The following CDCA8 variants were observed in gnomAD, a reference collection of about 807,000 sequenced individuals.
CDCA8 encodes the protein cell division cycle associated 8.
In CDCA8, 25 loss-of-function variants were observed where a neutral mutation model predicts 40.0. That is an observed-to-expected ratio of 0.63 (90% CI 0.46 to 0.87). The LOEUF is 0.87. Among genes scored for constraint, CDCA8 ranks in the 40% least tolerant of loss-of-function variants. The pLI is 0.00. For synonymous variants in CDCA8, 111 were observed against 126.5 expected (o/e 0.88, Z 0.82); for missense variants, 280 against 348.4 (o/e 0.80, Z 1.56).
At chr1:37,698,883 T>C in intron 3 of CDCA8, 22 bp from the exon 4 acceptor site, 1 of 1,587,710 alleles carries the variant, frequency 6.3e-7, no homozygotes, top group Non-Finnish European at 8.6e-7. Flanking sequence ...AGCCTGGTGC[T>C]TTCTGGCTAT....
At chr1:37,694,915 T>C (rs1645515875) in intron 2 of CDCA8, among the ~76,000 whole-genome samples, 1 of 152,254 alleles carries the variant, frequency 6.6e-6, no homozygotes, top group Admixed American at 6.5e-5. Flanking sequence ...ATCTATTGAC[T>C]GCTAGATTTT....
chr1:37,704,636 C>CTT lies in CDCA8; in HGVS notation c.585-777_585-776dup, dbSNP rs145718694. Among the ~76,000 whole-genome samples, 121 of 86,484 alleles carry CTT rather than the reference C, an allele frequency of 1.4e-3. 12 individuals carry two copies. The highest frequency in any genetic ancestry group is 3.1e-3 in the East Asian group (7 of 2,228). 56.7% of individuals were successfully genotyped at this position (86,484 alleles called of 152,430 possible). ...ATTTATTTTCTACTTTTAATTGCCA[C>CTT]TTTTTTTTTTTTTTTTTTTTTTTTT... is the stretch of plus-strand genomic sequence containing the variant. On this transcript the variant is annotated intron_variant, in intron 7 of 9. Transcript: ENST00000373055.
At chr1:37,703,596 A>G (rs1478273662) in intron 7 of CDCA8, among the ~76,000 whole-genome samples, 1 of 152,078 alleles carries the variant, frequency 6.6e-6, no homozygotes, top group Non-Finnish European at 1.5e-5. Context: ...CACGCCTGTA[A>G]TCCCAGCTAC....
Position 37,695,967 on chromosome 1 carries a change from A to G in CDCA8, c.264+17A>G, listed in dbSNP as rs1645523973. 2 of 1,612,964 alleles carry G rather than the reference A, an allele frequency of 1.2e-6. No individual in the cohort carries two copies. Among genetic ancestry groups the G allele is most frequent in the Non-Finnish European group, 1.7e-6 (2 of 1,179,000 alleles). On this transcript the variant is annotated intron_variant, in intron 3 of 9. Coordinates refer to ENST00000373055, the MANE Select transcript of CDCA8 (RefSeq NM_001256875.2). ...GCGGCAACAGTAAGTGACCTTTCCT[A>G]TTTTCCAGCCAGTGGTTACTTAAGT...
rs909458865 is a variant in CDCA8, at chr1:37,692,594, C to T, written c.-97C>T. 2 of 955,784 alleles carry T rather than the reference C, an allele frequency of 2.1e-6. No homozygotes were observed. The highest frequency in any genetic ancestry group is 3.2e-5 in the African/African-American group (2 of 61,608). 59.2% of individuals were successfully genotyped at this position (955,784 alleles called of 1,614,324 possible). On this transcript the variant is annotated 5_prime_UTR_variant, in exon 1 of 10. Coordinates refer to ENST00000373055, the MANE Select transcript of CDCA8 (RefSeq NM_001256875.2). ...GGGACCGCAGGTACGTGCCTGGCGA[C>T]TTCTTCGGGTGGTCCCCGTCCGCCC...
At position 37,709,436 on chromosome 1, in the gene CDCA8, A is replaced by G. The variant is rs1645624615; in HGVS notation, c.*1070A>G. The G allele has an allele frequency of 6.6e-6, 1 of 152,032 alleles. No homozygotes were observed. 9.4% of individuals were successfully genotyped at this position (152,032 alleles called of 1,614,324 possible). On this transcript the variant is annotated 3_prime_UTR_variant, in exon 10 of 10. Coordinates refer to ENST00000373055, the MANE Select transcript of CDCA8 (RefSeq NM_001256875.2). ...GCCAGCCTCTCTGCCCTGGAGAATCATGTGCTATGTTCTAAGAATTTGAGA... is the reference window on the plus strand; with the variant it reads ...GCCAGCCTCTCTGCCCTGGAGAATCGTGTGCTATGTTCTAAGAATTTGAGA...
intron 7 of CDCA8, among the ~76,000 whole-genome samples, chr1:37,703,738 C>G (rs1178731541): frequency 6.6e-6 from 1 of 151,960 alleles, no homozygotes; most frequent in Non-Finnish European, 1.5e-5. Context: ...GAAAATAGTC[C>G]CGAGTCCTTG....
At position 37,704,897 on chromosome 1, in the gene CDCA8, C is replaced by CA. The variant is rs397841369; in HGVS notation, c.585-544_585-543insA. 5.6e-4 allele frequency among the ~76,000 whole-genome samples: 85 copies of CA among 152,244 alleles called. 1 individual carries two copies. Among genetic ancestry groups the CA allele is most frequent in the Non-Finnish European group, 4.4e-5 (3 of 68,016 alleles). On this transcript the variant is annotated intron_variant, in intron 7 of 9. Transcript: ENST00000373055. Reference sequence around the variant, plus strand: ...TCCTGACCTCAGGTGATCCACCCCCCTCGGCCTCCCAAAGTGCTGGGATTA... The same window carrying CA: ...TCCTGACCTCAGGTGATCCACCCCCCATCGGCCTCCCAAAGTGCTGGGATTA...
At chr1:37,703,588 C>T (rs913721205) in intron 7 of CDCA8, among the ~76,000 whole-genome samples, 2 of 151,978 alleles carry the variant, frequency 1.3e-5, no homozygotes, top group African/African-American at 2.4e-5. Context: ...TGGTGGTGCA[C>T]GCCTGTAATC....
Position 37,705,810 on chromosome 1 carries a change from G to GTTT in CDCA8, c.711+259_711+261dup, listed in dbSNP as rs35363414. On this transcript the variant is annotated intron_variant, in intron 8 of 9. Coordinates refer to ENST00000373055, the MANE Select transcript of CDCA8 (RefSeq NM_001256875.2). ...TTGGTTTTGTTTTTGTTTTTTGTGG[G>GTTT]TTTTTTTTTTTTTTTTTTGAGATGG... 3.5e-3 allele frequency among the ~76,000 whole-genome samples: 456 copies of GTTT among 129,092 alleles called. 9 individuals carry two copies. Among genetic ancestry groups the GTTT allele is most frequent in the African/African-American group, 0.013 (437 of 33,494 alleles). The allele number at this position is 129,092 out of a possible 152,430, so 84.7% of individuals were successfully genotyped here.
At chr1:37,706,920 C>G in intron 8 of CDCA8, 58 bp from the exon 9 acceptor site, 1 of 1,388,168 alleles carries the variant, frequency 7.2e-7, no homozygotes, top group South Asian at 1.2e-5. Context: ...TCAGGGGAAC[C>G]TAGGGGTTCC....
rs145762410 is a variant in CDCA8, at chr1:37,699,898, C to T, written c.338-538C>T. Among the ~76,000 whole-genome samples, 50 of 151,112 alleles carry T rather than the reference C, an allele frequency of 3.3e-4. No homozygotes were observed. In the East Asian group the frequency reaches 8.9e-3, roughly 27 times the overall value. ...TCATGCCACTGCACTCTAGCCTGGG[C>T]GATAGAGCGAGACTCTGTCTCAAAA... On this transcript the variant is annotated intron_variant, in intron 4 of 9. Transcript: ENST00000373055.
chr1:37,695,491 G>T (rs1038872732), intron 2 of CDCA8, among the ~76,000 whole-genome samples: 1 of 152,010 alleles, frequency 6.6e-6, no homozygotes, highest in African/African-American at 2.4e-5. Context: ...TACTTGGGAG[G>T]CCAAGGTGGG....
intron 7 of CDCA8, among the ~76,000 whole-genome samples, chr1:37,704,328 G>A (rs1441408453): frequency 6.6e-6 from 1 of 152,168 alleles, no homozygotes; most frequent in Admixed American, 6.5e-5. Context: ...GCATAAGCGA[G>A]GATATTCTTG....
In CDCA8 at chr1:37,701,960, A is replaced by T. The variant is rs190324080; in HGVS notation, c.488+142A>T. The T allele has an allele frequency of 5.3e-4, 334 of 627,494 alleles. 3 individuals are homozygous for T. In the Middle Eastern group the frequency reaches 0.011, roughly 21 times the overall value. The allele number at this position is 627,494 out of a possible 1,614,324, so 38.9% of individuals were successfully genotyped here. A position where few individuals can be genotyped will look rare whatever the true frequency, so the allele number is the denominator to read the frequency against. On this transcript the variant is annotated intron_variant, in intron 6 of 9. Transcript: ENST00000373055. ...AAATCACTGAATCCTTGAGTATCCA[A>T]GCTGGAGGGGTCTCTAGAAATGACC...
rs928657075 is a variant in CDCA8 at position 37,696,322 on chromosome 1, C to A, written c.264+372C>A. 1.5e-4 allele frequency among the ~76,000 whole-genome samples: 23 copies of A among 152,090 alleles called. No individual in the cohort carries two copies. Among genetic ancestry groups the A allele is most frequent in the Admixed American group, 6.6e-4 (10 of 15,266 alleles). On this transcript the variant is annotated intron_variant, in intron 3 of 9. Coordinates refer to ENST00000373055, the MANE Select transcript of CDCA8 (RefSeq NM_001256875.2). This position sits in a 1 kb window ranked among gnomAD's most constrained non-coding sequence, Gnocchi z 5.0. ...AGAAGCAGTGCTTTTGCTTGGGATG[C>A]TCAGTATTCCCCAACCCCTCTCATC... is the stretch of plus-strand genomic sequence containing the variant.
At chr1:37,704,120 C>T (rs928238984) in intron 7 of CDCA8, among the ~76,000 whole-genome samples, 7 of 151,738 alleles carry the variant, frequency 4.6e-5, no homozygotes, top group African/African-American at 1.2e-4. Flanking sequence ...TTTTTTGTAG[C>T]GATGGGATTT....
intron 7 of CDCA8, among the ~76,000 whole-genome samples, chr1:37,705,086 T>C (rs778567654): frequency 2.0e-5 from 3 of 152,204 alleles, no homozygotes; most frequent in Non-Finnish European, 4.4e-5. Context: ...CTCCTTTGCC[T>C]CTGAAAAATT....
chr1:37,705,023 A>C (rs1645589334), intron 7 of CDCA8, among the ~76,000 whole-genome samples: 3 of 152,212 alleles, frequency 2.0e-5, no homozygotes, highest in Non-Finnish European at 4.4e-5. Flanking sequence ...ACTAGGTAGC[A>C]GTATTTTAAC....
Sources: allele counts gnomAD v4.1 joint callset (sites outside exome capture counted in the v4.1 genomes callset), GRCh38; gene constraint gnomAD v4.1.1; non-coding constraint Gnocchi (gnomAD v3.1); transcripts MANE v1.5; gene names NCBI Gene and HGNC (gene_info 2026-07-23, HGNC 2026-07-21).